Variants in DIAPH2 observed in about 807,000 individuals in gnomAD.
The protein encoded by DIAPH2 is diaphanous related formin 2.
In DIAPH2, 35 loss-of-function variants were observed where a neutral mutation model predicts 92.7. The ratio of observed to expected loss-of-function variants is 0.38; its 90% CI spans 0.29 to 0.50. The LOEUF (loss-of-function observed/expected upper bound fraction) is 0.50, where lower values mean the gene tolerates loss of function less well. DIAPH2 is among the 20% of genes least tolerant of loss of function. DIAPH2 has a pLI of 0.94. For missense variants in DIAPH2, 701 were observed against 819.5 expected (o/e 0.86, Z 1.77); for synonymous variants, 301 against 280.4 (o/e 1.07, Z -0.73).
intron 26 of DIAPH2, among the ~76,000 whole-genome samples, chrX:97,430,598 A>G (rs1015817587): frequency 1.8e-5 from 2 of 112,635 alleles, no homozygotes; most frequent in Admixed American, 9.4e-5. Flanking sequence ...TTAATAGTCA[A>G]TATGTAAACT....
At chrX:97,037,424 T>C (rs1160453811) in intron 17 of DIAPH2, among the ~76,000 whole-genome samples, 2 of 111,772 alleles carry the variant, frequency 1.8e-5, no homozygotes, top group African/African-American at 6.5e-5. Context: ...CTTTCCTTCC[T>C]GCAAGCATTG....
At chrX:97,451,132 G>A (rs1319844219) in intron 26 of DIAPH2, among the ~76,000 whole-genome samples, 1 of 111,488 alleles carries the variant, frequency 9.0e-6, no homozygotes, top group Non-Finnish European at 1.9e-5. Context: ...GTGAGATGGT[G>A]AATGTGAAAC....
chrX:96,945,501 G>T (rs201665894), intron 13 of DIAPH2, 26 bp from the exon 14 acceptor site: 1 of 1,139,594 alleles, frequency 8.8e-7, no homozygotes, highest in Non-Finnish European at 1.2e-6. Flanking sequence ...CCATAATTTC[G>T]AATCACTTTT....
At chrX:97,295,857 G>A (rs1331692311) in intron 23 of DIAPH2, among the ~76,000 whole-genome samples, 3 of 108,585 alleles carry the variant, frequency 2.8e-5, no homozygotes, top group African/African-American at 1.0e-4. Flanking sequence ...TCAGCCTCCT[G>A]AGTAGCTGGG....
intron 26 of DIAPH2, among the ~76,000 whole-genome samples, chrX:97,520,828 A>G (rs990151903): frequency 8.9e-6 from 1 of 112,485 alleles, no homozygotes; most frequent in Non-Finnish European, 1.9e-5. Context: ...AAAATGGAAG[A>G]CGAAGTACAA....
At chrX:97,140,048 T>C (rs2067199942) in intron 21 of DIAPH2, among the ~76,000 whole-genome samples, 1 of 111,221 alleles carries the variant, frequency 9.0e-6, no homozygotes, top group Admixed American at 9.6e-5. Context: ...TGTTTTTGTC[T>C]CCATTTATGT....
Position 97,423,636 on chromosome X carries a change from C to G in DIAPH2, c.3146-6014C>G, listed in dbSNP as rs560168074. Among the ~76,000 whole-genome samples, 6 of 111,656 alleles carry G rather than the reference C, an allele frequency of 5.4e-5. No homozygotes were observed. The South Asian group carries it at 2.2e-3, about 42-fold the overall frequency. ...GTAGCTCACACAAAGCCCACAGATG[C>G]ATGCAGCCCACCTAAGTCCTTAGTA... On this transcript the variant is annotated intron_variant, in intron 25 of 26. Transcript: ENST00000324765.
At chrX:97,347,769 G>T (rs896819693) in intron 23 of DIAPH2, among the ~76,000 whole-genome samples, 2 of 111,156 alleles carry the variant, frequency 1.8e-5, no homozygotes, top group Non-Finnish European at 3.8e-5. Context: ...AAGTAATTAA[G>T]TTAAAATGAG....
At chrX:96,962,322 TACAC>T (rs773725549) in intron 16 of DIAPH2, among the ~76,000 whole-genome samples, 2 of 49,623 alleles carry the variant, frequency 4.0e-5, no homozygotes, top group Admixed American at 2.3e-4. Flanking sequence ...CATATATATA[TACAC>T]ATATATATAT....
chrX:96,984,191 T>A (rs2066016016), intron 17 of DIAPH2, among the ~76,000 whole-genome samples: 1 of 112,035 alleles, frequency 8.9e-6, no homozygotes, highest in South Asian at 3.7e-4. Flanking sequence ...GGTAATATTA[T>A]TTTTGTATTT....
chrX:97,083,618 C>A (rs2066763030), intron 19 of DIAPH2, among the ~76,000 whole-genome samples: 1 of 111,452 alleles, frequency 9.0e-6, no homozygotes, highest in South Asian at 3.8e-4. Flanking sequence ...TTGTGACAAC[C>A]CAAATTGCCT....
intron 23 of DIAPH2, among the ~76,000 whole-genome samples, chrX:97,301,848 T>C (rs1299816661): frequency 9.0e-6 from 1 of 111,058 alleles, no homozygotes; most frequent in African/African-American, 3.3e-5. Context: ...TTAAGATCAA[T>C]AGAACTCAAC....
At chrX:97,549,636 AATC>A (rs1285023585) in intron 26 of DIAPH2, among the ~76,000 whole-genome samples, 1 of 111,427 alleles carries the variant, frequency 9.0e-6, no homozygotes, top group Non-Finnish European at 1.9e-5. Context: ...ATTACCACTT[AATC>A]TATAGACTTT....
chrX:96,896,818 A>G (rs908841680), intron 5 of DIAPH2, among the ~76,000 whole-genome samples: 10 of 112,086 alleles, frequency 8.9e-5, no homozygotes, highest in Admixed American at 9.5e-5. Context: ...CAGAAGGCTG[A>G]TATCTCTTAG....
At position 97,600,964 on chromosome X, in the gene DIAPH2, C is replaced by CAAT. The variant is rs2071591108; in HGVS notation, c.*1649_*1651dup. On this transcript the variant is annotated 3_prime_UTR_variant, in exon 27 of 27. Transcript: ENST00000324765. ...TCTTTAAAAAGCTCTGAAGCTGCTA[C>CAAT]AATAGAAAAATCAAAAAGGGTAACA... 9.0e-6 allele frequency: 1 copy of CAAT among 111,726 alleles called. No individual in the cohort carries two copies. The highest frequency in any genetic ancestry group is 1.9e-5 in the Non-Finnish European group (1 of 53,115). 9.2% of individuals were successfully genotyped at this position (111,726 alleles called of 1,213,427 possible). A position where few individuals can be genotyped will look rare whatever the true frequency, so the allele number is the denominator to read the frequency against.
chrX:96,917,480 G>A (rs1422594514), intron 8 of DIAPH2, among the ~76,000 whole-genome samples: 2 of 111,410 alleles, frequency 1.8e-5, no homozygotes, highest in South Asian at 3.7e-4. Flanking sequence ...GATAACATAT[G>A]TAAAAGCAAG....
intron 24 of DIAPH2, among the ~76,000 whole-genome samples, chrX:97,374,989 C>A (rs1180213649): frequency 8.9e-6 from 1 of 111,844 alleles, no homozygotes; most frequent in African/African-American, 3.3e-5. Flanking sequence ...ACCTGTACAA[C>A]TATATGAGTC....
At chrX:97,437,417 T>C (rs1358575592) in intron 26 of DIAPH2, among the ~76,000 whole-genome samples, 1 of 111,737 alleles carries the variant, frequency 8.9e-6, no homozygotes, top group Non-Finnish European at 1.9e-5. Context: ...GCAGCAGTGC[T>C]AGGGCCTTGG....
intron 1 of DIAPH2, among the ~76,000 whole-genome samples, chrX:96,708,285 C>T (rs1039250043): frequency 1.1e-5 from 1 of 88,229 alleles, no homozygotes; most frequent in Non-Finnish European, 2.1e-5. Context: ...GCTCTGTTGC[C>T]AGGCTGGAGT....
Sources: gnomAD v4.1 joint callset for allele counts (sites outside exome capture counted in the v4.1 genomes callset) on GRCh38, gnomAD v4.1.1 for gene constraint, MANE v1.5 for transcripts, NCBI Gene and HGNC (gene_info 2026-07-23, HGNC 2026-07-21) for gene names.